The following GNAO1 variants were observed in gnomAD, a reference collection of about 807,000 sequenced individuals.
GNAO1 encodes G protein subunit alpha o1.
For synonymous variants in GNAO1, 164 were observed against 180.7 expected, an observed-to-expected ratio of 0.91 and a Z score of 0.74; for missense variants, 166 against 478.7, an observed-to-expected ratio of 0.35 and a Z score of 6.10.
chr16:56,326,017 A>G lies in GNAO1; in HGVS notation c.304-2614A>G, dbSNP rs765026286. On this transcript the variant is annotated intron_variant, in intron 3 of 8. Transcript: ENST00000262493. This position sits in a 1 kb window ranked among gnomAD's most constrained non-coding sequence, Gnocchi z 4.8. ...CACCAGCCACCTCCTCCACTCATCG[A>G]CCCTCTTCCTTGCCTTGGCATCCCA... 5.9e-5 allele frequency among the ~76,000 whole-genome samples: 9 copies of G among 151,788 alleles called. No homozygotes were observed. Among genetic ancestry groups the G allele is most frequent in the Non-Finnish European group, 1.0e-4 (7 of 67,968 alleles).
At chr16:56,270,663 CT>C (rs1486509034) in intron 2 of GNAO1, 1 of 152,076 alleles carries the variant, frequency 6.6e-6, no homozygotes, top group Non-Finnish European at 1.5e-5. Context: ...GTAAACAAGT[CT>C]TCTGGGAGAT....
intron 5 of GNAO1, among the ~76,000 whole-genome samples, chr16:56,335,217 A>C (rs767894897): frequency 2.8e-4 from 42 of 152,186 alleles, no homozygotes; most frequent in Non-Finnish European, 5.3e-4. Context: ...GGGGCTGGGT[A>C]AGCCCAAGCT....
intron 2 of GNAO1, among the ~76,000 whole-genome samples, chr16:56,232,913 A>AG (rs2036604259): frequency 6.6e-6 from 1 of 152,356 alleles, no homozygotes; most frequent in Admixed American, 6.5e-5. Flanking sequence ...AAGAGCCTAT[A>AG]GGCCATTTCC....
At chr16:56,333,354 G>A (rs2037709271) in intron 4 of GNAO1, among the ~76,000 whole-genome samples, 1 of 152,020 alleles carries the variant, frequency 6.6e-6, no homozygotes, top group Non-Finnish European at 1.5e-5. Context: ...TGGGATTATA[G>A]GCACCTGCCA....
chr16:56,217,012 A>G (rs1322440133), intron 2 of GNAO1, among the ~76,000 whole-genome samples: 1 of 152,236 alleles, frequency 6.6e-6, no homozygotes, highest in East Asian at 1.9e-4. Context: ...TGCTGGGAGC[A>G]AGGGTCTCTG....
At chr16:56,293,513 G>A (rs1195229111) in intron 3 of GNAO1, among the ~76,000 whole-genome samples, 1 of 152,182 alleles carries the variant, frequency 6.6e-6, no homozygotes, top group Non-Finnish European at 1.5e-5. Flanking sequence ...CCCATGTTCT[G>A]TGTGCAGACA....
intron 2 of GNAO1, among the ~76,000 whole-genome samples, chr16:56,250,887 T>G (rs2036793228): frequency 6.6e-6 from 1 of 152,224 alleles, no homozygotes; most frequent in Non-Finnish European, 1.5e-5. Context: ...CCATTGTGGT[T>G]TTGGGGAATG....
intron 3 of GNAO1, among the ~76,000 whole-genome samples, chr16:56,285,227 TTCTG>T (rs1313799332): frequency 1.3e-5 from 2 of 152,292 alleles, no homozygotes; most frequent in African/African-American, 4.8e-5. Flanking sequence ...TGTGCTCTCT[TTCTG>T]TCTTTCACAC....
chr16:56,315,280 GTCGGCCATTA>G (rs2037497003), intron 3 of GNAO1, among the ~76,000 whole-genome samples: 1 of 152,220 alleles, frequency 6.6e-6, no homozygotes, highest in Admixed American at 6.5e-5. Flanking sequence ...AAGAGATGAG[GTCGGCCATTA>G]TCATTTTTCC....
At chr16:56,196,787 C>G (rs1336361702) in intron 2 of GNAO1, among the ~76,000 whole-genome samples, 1 of 152,230 alleles carries the variant, frequency 6.6e-6, no homozygotes, top group African/African-American at 2.4e-5. Context: ...GTTGTGCGTC[C>G]ATTCCCACAG....
rs111467487 is a variant in GNAO1 at position 56,350,943 on chromosome 16, ATGCACACAGGCATGCACACACAGG to A, written c.724-432_724-409del. 5.8e-4 allele frequency among the ~76,000 whole-genome samples: 88 copies of A among 151,860 alleles called. 1 individual carries two copies. The highest frequency in any genetic ancestry group is 2.0e-3 in the African/African-American group (82 of 41,382). On this transcript the variant is annotated intron_variant, in intron 6 of 8. Transcript: ENST00000262493. ...CACGCACACACACTCAAGCACATGG[ATGCACACAGGCATGCACACACAGG>A]TGCACACACATAGGCACACATGCAC...
chr16:56,227,521 C>T (rs1258829101), intron 2 of GNAO1, among the ~76,000 whole-genome samples: 1 of 152,006 alleles, frequency 6.6e-6, no homozygotes, highest in Non-Finnish European at 1.5e-5. Flanking sequence ...TGTGCTTCAA[C>T]GGTAAGAGCT....
chr16:56,342,811 T>C (rs924148496), intron 6 of GNAO1, among the ~76,000 whole-genome samples: 5 of 152,214 alleles, frequency 3.3e-5, no homozygotes, highest in Non-Finnish European at 5.9e-5. Context: ...ATATAACATT[T>C]GCCTTAGGAG....
Position 56,328,119 on chromosome 16 carries a change from C to T in GNAO1, c.304-512C>T, listed in dbSNP as rs190540079. Among the ~76,000 whole-genome samples, 317 of 152,336 alleles carry T rather than the reference C, an allele frequency of 2.1e-3. 1 individual carries two copies. The highest frequency in any genetic ancestry group is 3.4e-3 in the Non-Finnish European group (234 of 68,042). On this transcript the variant is annotated intron_variant, in intron 3 of 8. Coordinates refer to ENST00000262493, the MANE Select transcript of GNAO1 (RefSeq NM_020988.3). ...AGCTAACCGGAATTCTCTACCGAAA[C>T]GTCTGCTCCTCTACATAGCCCAGTT...
chr16:56,297,730 C>T (rs983417846), intron 3 of GNAO1, among the ~76,000 whole-genome samples: 4 of 152,068 alleles, frequency 2.6e-5, no homozygotes, highest in Non-Finnish European at 5.9e-5. Context: ...CCCGGCAGTG[C>T]TGGTTGGAGT....
chr16:56,247,569 G>C (rs902017111), intron 2 of GNAO1, among the ~76,000 whole-genome samples: 1 of 147,014 alleles, frequency 6.8e-6, no homozygotes, highest in African/African-American at 2.5e-5. Flanking sequence ...TGAATTTGTA[G>C]GGCCTAGTAG....
At position 56,354,894 on chromosome 16, in the gene GNAO1, C is replaced by G; in HGVS notation, c.906C>G (p.Ala302=). Residue 302 remains alanine, a synonymous_variant, in exon 8 of 9, where the codon GCC becomes GCG. Coordinates refer to ENST00000262493, the MANE Select transcript of GNAO1 (RefSeq NM_020988.3). The surrounding 1 kb of genome is among the most constrained non-coding windows in gnomAD (Gnocchi z 4.3). ...CCAATACCTATGAAGACGCAGCCGC[C>G]TACATCCAAGCACAATTTGAAAGCA... ...TGPNTYEDAA[A]YIQAQFESKN... 1 of 1,613,304 alleles carries G rather than the reference C, an allele frequency of 6.2e-7. No homozygotes were observed. The highest frequency in any genetic ancestry group is 8.5e-7 in the Non-Finnish European group (1 of 1,179,466).
intron 2 of GNAO1, among the ~76,000 whole-genome samples, chr16:56,244,494 C>T (rs143976447): frequency 2.0e-5 from 3 of 152,070 alleles, no homozygotes; most frequent in South Asian, 2.1e-4. Flanking sequence ...TGAGAAGCTT[C>T]GATTAGCAGT....
chr16:56,257,793 G>A (rs1567457752), intron 2 of GNAO1, among the ~76,000 whole-genome samples: 1 of 152,240 alleles, frequency 6.6e-6, no homozygotes, highest in Non-Finnish European at 1.5e-5. Flanking sequence ...CTGACTCTGT[G>A]AAGGAGTCCT....
Sources: allele counts gnomAD v4.1 joint callset (sites outside exome capture counted in the v4.1 genomes callset), GRCh38; gene constraint gnomAD v4.1.1; non-coding constraint Gnocchi (gnomAD v3.1); transcripts MANE v1.5; gene names NCBI Gene and HGNC (gene_info 2026-07-23, HGNC 2026-07-21).